The following DRD2 variants were observed in gnomAD, a reference collection of about 807,000 sequenced individuals.
DRD2 encodes the protein dopamine receptor D2.
A neutral mutation model predicts 38.0 loss-of-function variants in DRD2; 8 were observed. That is an observed-to-expected ratio of 0.21 (90% CI 0.12 to 0.38). The LOEUF (loss-of-function observed/expected upper bound fraction) is 0.38. Ranked by LOEUF, DRD2 falls within the 10% of genes least tolerant of loss-of-function variation. DRD2 has a pLI of 1.00. For missense variants in DRD2, 403 were observed against 607.7 expected (o/e 0.66, Z 3.54); for synonymous variants, 230 against 238.6 (o/e 0.96, Z 0.33).
At chr11:113,468,296 T>C (rs1049147358) in intron 1 of DRD2, among the ~76,000 whole-genome samples, 1 of 152,200 alleles carries the variant, frequency 6.6e-6, no homozygotes. Context: ...TTAACTACCA[T>C]ATGGTGTTGT....
intron 1 of DRD2, among the ~76,000 whole-genome samples, chr11:113,452,163 T>C (rs983885799): frequency 1.3e-5 from 2 of 152,184 alleles, no homozygotes; most frequent in East Asian, 1.9e-4. Flanking sequence ...AAGAGGTGGC[T>C]GACCCCAAAT....
rs1375819035 is a variant in DRD2 at position 113,412,771 on chromosome 11, G to A, written c.923C>T (p.Pro308Leu). The A allele has an allele frequency of 1.2e-6, 2 of 1,613,822 alleles. No homozygotes were observed. The highest frequency in any genetic ancestry group is 1.7e-6 in the Non-Finnish European group (2 of 1,179,752). ...GTGGAGACCATGGTGGGACGGGTCG[G>A]GGAGAGTCAGCTGGTGGTGGCTGGG... ...IPPSHHQLTLPDPSHHGLHST... is the reference protein window; with the variant it reads ...IPPSHHQLTLLDPSHHGLHST... The change falls in exon 7 of 8, where the codon CCC becomes CTC. Residue 308 changes from proline to leucine, a missense_variant. By Grantham distance (98) the Pro-to-Leu change is moderately conservative (BLOSUM62 -3). This residue lies in a region of DRD2 where 166 missense variants were observed against 178.6 expected (regional missense o/e 0.93). Transcript: ENST00000362072.
At chr11:113,470,979 G>C (rs1300567084) in intron 1 of DRD2, among the ~76,000 whole-genome samples, 2 of 151,978 alleles carry the variant, frequency 1.3e-5, no homozygotes, top group African/African-American at 4.8e-5. Flanking sequence ...AGCTGCCAAG[G>C]GTATTGATTT....
chr11:113,409,717 C>A lies in DRD2; in HGVS notation c.*1010G>T, dbSNP rs1488486493. ...TGCAGCTTCCCCTCCTTCCTCAGGGCAGGGCCAGGCCAGGCCAGATGGTTT... is the reference window on the plus strand; with the variant it reads ...TGCAGCTTCCCCTCCTTCCTCAGGGAAGGGCCAGGCCAGGCCAGATGGTTT... On this transcript the variant is annotated 3_prime_UTR_variant, in exon 8 of 8. Coordinates refer to ENST00000362072, the MANE Select transcript of DRD2 (RefSeq NM_000795.4). 6.5e-6 allele frequency: 1 copy of A among 153,232 alleles called. No individual in the cohort carries two copies. The highest frequency in any genetic ancestry group is 1.5e-5 in the Non-Finnish European group (1 of 68,508). 9.5% of individuals were successfully genotyped at this position (153,232 alleles called of 1,614,324 possible).
chr11:113,469,178 C>A (rs1414145441), intron 1 of DRD2, among the ~76,000 whole-genome samples: 1 of 152,048 alleles, frequency 6.6e-6, no homozygotes, highest in Non-Finnish European at 1.5e-5. Context: ...ACCCTGCCTC[C>A]CTCCTGCTCC....
Position 113,414,443 on chromosome 11 carries a change from C to T in DRD2, c.742G>A (p.Glu248Lys), listed in dbSNP as rs201628227. The T allele has an allele frequency of 1.9e-5, 30 of 1,614,010 alleles. No homozygotes were observed. The highest frequency in any genetic ancestry group is 6.7e-5 in the African/African-American group (5 of 74,904). ...ATAACGGTGCAGAGTTTCATGTCCTCGGGGTGAGTACAGTTGCCCTGTGGA... is the reference window on the plus strand; with the variant it reads ...ATAACGGTGCAGAGTTTCATGTCCTTGGGGTGAGTACAGTTGCCCTGTGGA... ...APLKGNCTHP[E>K]DMKLCTVIMK... The change falls in exon 6 of 8, where the codon GAG becomes AAG. Residue 248 changes from glutamate (E) to lysine (K), a missense_variant. Glu to Lys is a moderately conservative substitution (Grantham distance 56). Transcript: ENST00000362072.
intron 1 of DRD2, among the ~76,000 whole-genome samples, chr11:113,438,276 G>A (rs1033543775): frequency 2.0e-5 from 3 of 152,020 alleles, no homozygotes; most frequent in Non-Finnish European, 2.9e-5. Context: ...CAATGAAATT[G>A]TTCTGGGCCT....
chr11:113,471,125 A>C (rs1313921603), intron 1 of DRD2, among the ~76,000 whole-genome samples: 1 of 152,204 alleles, frequency 6.6e-6, no homozygotes, highest in Non-Finnish European at 1.5e-5. Flanking sequence ...TTACTCCTCC[A>C]TCCCCATGTG....
At chr11:113,444,828 TATG>T (rs1322759961) in intron 1 of DRD2, among the ~76,000 whole-genome samples, 1 of 152,226 alleles carries the variant, frequency 6.6e-6, no homozygotes, top group African/African-American at 2.4e-5. Context: ...GGGGCTCTGA[TATG>T]AGCACAAGCC....
At chr11:113,414,065 T>C (rs1371249639) in intron 6 of DRD2, 7 of 396,396 alleles carry the variant, frequency 1.8e-5, no homozygotes, top group Non-Finnish European at 3.4e-5. Context: ...CCCGGGGTCG[T>C]GGTGAGGATT....
chr11:113,418,195 G>A lies in DRD2; in HGVS notation c.286-59C>T, dbSNP rs1472366564. 9 of 1,415,404 alleles carry A rather than the reference G, an allele frequency of 6.4e-6. No homozygotes were observed. In the African/African-American group the frequency reaches 8.4e-5, roughly 13 times the overall value. The allele number at this position is 1,415,404 out of a possible 1,614,324, so 87.7% of individuals were successfully genotyped here. ...GGAGTGGGAGATTAGCTTAGGTCCT[G>A]TAGCCTGGTACTCCTGGAGCCGATG... On this transcript the variant is annotated intron_variant, in intron 2 of 7. Coordinates refer to ENST00000362072, the MANE Select transcript of DRD2 (RefSeq NM_000795.4).
chr11:113,427,982 G>C (rs1054471342), intron 1 of DRD2, among the ~76,000 whole-genome samples: 2 of 152,152 alleles, frequency 1.3e-5, no homozygotes, highest in African/African-American at 4.8e-5. Flanking sequence ...AGACCAAGTG[G>C]GAATGCAGCA....
intron 1 of DRD2, 93 bp from the exon 2 acceptor site, chr11:113,424,775 A>T (rs1950923930): frequency 3.1e-6 from 4 of 1,277,354 alleles, no homozygotes; most frequent in Admixed American, 2.1e-5. Context: ...TAATAATGAG[A>T]ATTTTCCAAC....
intron 1 of DRD2, among the ~76,000 whole-genome samples, chr11:113,472,479 T>C (rs916269888): frequency 6.6e-6 from 1 of 152,234 alleles, no homozygotes; most frequent in Non-Finnish European, 1.5e-5. Context: ...TTCTCCTATA[T>C]CATTCTCAAG....
Position 113,412,709 on chromosome 11 carries a change from C to T in DRD2, c.985G>A (p.Gly329Arg), listed in dbSNP as rs753949988. ...PDSPAKPEKNGHAKDHPKIAK... is the reference protein window; with the variant it reads ...PDSPAKPEKNRHAKDHPKIAK... ...ATCTTGGGGTGGTCTTTGGCATGCC[C>T]ATTCTTCTCTGGTTTGGCGGGGCTG... Residue 329 changes from glycine (G) to arginine (R), a missense_variant, in exon 7 of 8, where the codon GGG (glycine) becomes AGG (arginine). This residue lies in a region of DRD2 where 166 missense variants were observed against 178.6 expected (regional missense o/e 0.93). Transcript: ENST00000362072. 1 of 1,614,198 alleles carries T rather than the reference C, an allele frequency of 6.2e-7. No individual in the cohort carries two copies. Among genetic ancestry groups the T allele is most frequent in the East Asian group, 2.2e-5 (1 of 44,870 alleles).
intron 1 of DRD2, chr11:113,424,974 C>T (rs1164323413): frequency 7.2e-6 from 3 of 414,400 alleles, no homozygotes; most frequent in African/African-American, 6.1e-5. Context: ...ACTTCTTAAG[C>T]ACGACCCATG....
chr11:113,418,234 A>G, intron 2 of DRD2, 98 bp from the exon 3 acceptor site: 1 of 981,372 alleles, frequency 1.0e-6, no homozygotes, highest in Non-Finnish European at 1.6e-6. Context: ...CCACAGACTC[A>G]GGAGGCAGCT....
At chr11:113,457,590 C>T (rs558582858) in intron 1 of DRD2, among the ~76,000 whole-genome samples, 1 of 152,144 alleles carries the variant, frequency 6.6e-6, no homozygotes, top group Non-Finnish European at 1.5e-5. Context: ...CCCGACCCCC[C>T]ACTATTTACA....
intron 1 of DRD2, among the ~76,000 whole-genome samples, chr11:113,460,062 T>C (rs1310338270): frequency 6.6e-6 from 1 of 152,246 alleles, no homozygotes; most frequent in Non-Finnish European, 1.5e-5. Flanking sequence ...GCTTTTTGTG[T>C]CCATTCTATT....
Sources: allele counts gnomAD v4.1 joint callset (sites outside exome capture counted in the v4.1 genomes callset), GRCh38; gene constraint gnomAD v4.1.1; regional missense constraint gnomAD v4.1.1; transcripts MANE v1.5; gene names NCBI Gene and HGNC (gene_info 2026-07-23, HGNC 2026-07-21).